The following RHBDD1 variants were observed in gnomAD, a reference collection of about 807,000 sequenced individuals.
The protein encoded by RHBDD1 is rhomboid domain containing 1.
In RHBDD1, 38 loss-of-function variants were observed where a neutral mutation model predicts 36.3. The ratio of observed to expected loss-of-function variants is 1.05; its 90% CI spans 0.81 to 1.37. The LOEUF is 1.37. RHBDD1 is among the 40% of genes most tolerant of loss of function. The pLI is 0.00. For missense variants in RHBDD1, 393 were observed against 377.6 expected, an observed-to-expected ratio of 1.04 and a Z score of -0.34; for synonymous variants, 151 against 136.5, an observed-to-expected ratio of 1.11 and a Z score of -0.74.
the RHBDD1 span, among the ~76,000 whole-genome samples, chr2:226,828,002 T>C: frequency 6.6e-6 from 1 of 152,212 alleles, no homozygotes; most frequent in Admixed American, 6.5e-5. Flanking sequence ...TATTTATGTA[T>C]AGTTTGTGAT....
intron 6 of RHBDD1, among the ~76,000 whole-genome samples, chr2:226,907,574 G>A (rs534506713): frequency 6.7e-6 from 1 of 149,396 alleles, no homozygotes; most frequent in Admixed American, 6.7e-5. Flanking sequence ...TTTATTCATG[G>A]GAAGTCTTCT....
At chr2:226,889,406 A>T (rs755531562) in intron 5 of RHBDD1, among the ~76,000 whole-genome samples, 6 of 152,206 alleles carry the variant, frequency 3.9e-5, no homozygotes, top group Non-Finnish European at 7.3e-5. Context: ...GAGTTTTCTT[A>T]AAGTTCAGCT....
intron 8 of RHBDD1, among the ~76,000 whole-genome samples, chr2:226,991,849 C>T (rs975616842): frequency 1.3e-5 from 2 of 152,200 alleles, no homozygotes; most frequent in African/African-American, 4.8e-5. Context: ...AGCCTCCTCT[C>T]ACGTATGAGT....
chr2:226,994,453 G>A (rs1318901826), intron 8 of RHBDD1, among the ~76,000 whole-genome samples: 3 of 152,208 alleles, frequency 2.0e-5, no homozygotes, highest in African/African-American at 7.2e-5. Flanking sequence ...GTTCTATCGG[G>A]GTTGACCTAG....
chr2:226,894,579 A>G lies in RHBDD1; in HGVS notation c.567-12214A>G, dbSNP rs575446459. 9.2e-5 allele frequency among the ~76,000 whole-genome samples: 14 copies of G among 152,280 alleles called. No homozygotes were observed. In the South Asian group the frequency reaches 2.7e-3, roughly 29 times the overall value. On this transcript the variant is annotated intron_variant, in intron 5 of 8. Coordinates refer to ENST00000392062, the MANE Select transcript of RHBDD1 (RefSeq NM_001167608.3). ...AGCCACTGCACCCAGCCTATAATTC[A>G]TAATATTTTATTTTATTACTTTTTA...
chr2:226,949,689 C>T (rs1575212822), intron 8 of RHBDD1, among the ~76,000 whole-genome samples: 1 of 152,150 alleles, frequency 6.6e-6, no homozygotes, highest in Non-Finnish European at 1.5e-5. Flanking sequence ...GTAGTTTAAA[C>T]ACATAAATGT....
At chr2:226,867,343 C>A (rs1574872330) in intron 5 of RHBDD1, 25 bp downstream of exon 5, 1 of 1,598,388 alleles carries the variant, frequency 6.3e-7, no homozygotes, top group African/African-American at 1.4e-5. Context: ...TTGGGGAATA[C>A]AGTTGAAGGA....
At chr2:226,966,957 T>G (rs1952684546) in intron 8 of RHBDD1, among the ~76,000 whole-genome samples, 1 of 152,076 alleles carries the variant, frequency 6.6e-6, no homozygotes, top group Non-Finnish European at 1.5e-5. Context: ...TTTAATAAGC[T>G]CTGCAGATGA....
At chr2:226,835,276 C>G (rs1356908866), upstream of RHBDD1, among the ~76,000 whole-genome samples, 1 of 152,158 alleles carries the variant, frequency 6.6e-6, no homozygotes. Flanking sequence ...TAGCCTAACT[C>G]CTACAGCTAA....
At chr2:226,855,461 A>C (rs1207050780) in intron 3 of RHBDD1, among the ~76,000 whole-genome samples, 1 of 152,214 alleles carries the variant, frequency 6.6e-6, no homozygotes, top group Non-Finnish European at 1.5e-5. Context: ...CTATGATTGT[A>C]CCACTGCACT....
intron 8 of RHBDD1, among the ~76,000 whole-genome samples, chr2:226,940,317 G>A (rs1417456394): frequency 6.6e-6 from 1 of 152,102 alleles, no homozygotes; most frequent in East Asian, 1.9e-4. Context: ...ATCTAAAAGA[G>A]CTTCTGCACA....
At chr2:226,862,456 G>A (rs913980130) in intron 3 of RHBDD1, among the ~76,000 whole-genome samples, 4 of 151,692 alleles carry the variant, frequency 2.6e-5, no homozygotes, top group African/African-American at 7.3e-5. Flanking sequence ...TTGGTTGGGG[G>A]CCAATTAATC....
chr2:226,945,171 T>TTATTATTATTAC (rs1264258649), intron 8 of RHBDD1, among the ~76,000 whole-genome samples: 1 of 149,698 alleles, frequency 6.7e-6, no homozygotes, highest in African/African-American at 2.4e-5. Context: ...ATTATTATTA[T>TTATTATTATTAC]TATTATACTT....
chr2:226,901,969 C>T (rs1419042919), intron 5 of RHBDD1, among the ~76,000 whole-genome samples: 1 of 152,104 alleles, frequency 6.6e-6, no homozygotes, highest in African/African-American at 2.4e-5. Flanking sequence ...TAGTGTCAGG[C>T]CGTTTACTGT....
At chr2:226,870,784 AAAG>A (rs1339095113) in intron 5 of RHBDD1, among the ~76,000 whole-genome samples, 1 of 152,208 alleles carries the variant, frequency 6.6e-6, no homozygotes, top group East Asian at 1.9e-4. Context: ...AGATCATCAT[AAAG>A]AAGAGAAAAT....
chr2:226,919,509 G>T (rs1949155726), intron 8 of RHBDD1, among the ~76,000 whole-genome samples: 1 of 152,110 alleles, frequency 6.6e-6, no homozygotes, highest in Admixed American at 6.5e-5. Flanking sequence ...TATGGTGAGA[G>T]ATAGGGGTCT....
chr2:226,933,693 G>A (rs1425164247), intron 8 of RHBDD1, among the ~76,000 whole-genome samples: 1 of 151,900 alleles, frequency 6.6e-6, no homozygotes, highest in African/African-American at 2.4e-5. Context: ...ACTCTGGCTT[G>A]GGAGGCTGCC....
At chr2:226,970,136 C>T (rs891149685) in intron 8 of RHBDD1, among the ~76,000 whole-genome samples, 3 of 151,894 alleles carry the variant, frequency 2.0e-5, no homozygotes, top group Non-Finnish European at 4.4e-5. Context: ...AATAAAATCA[C>T]ATGGCCTCCT....
At chr2:226,813,067 T>C in the RHBDD1 span, among the ~76,000 whole-genome samples, 1 of 152,216 alleles carries the variant, frequency 6.6e-6, no homozygotes, top group Admixed American at 6.5e-5. Flanking sequence ...TGTATTTAAC[T>C]GTTCTCCCTT....
Sources: allele counts gnomAD v4.1 joint callset (sites outside exome capture counted in the v4.1 genomes callset), GRCh38; gene constraint gnomAD v4.1.1; transcripts MANE v1.5; gene names NCBI Gene and HGNC (gene_info 2026-07-23, HGNC 2026-07-21).